The following KCNMB2 variants were observed in gnomAD, a reference collection of about 807,000 sequenced individuals.
KCNMB2 encodes the protein calcium-activated potassium channel subunit beta-2.
Under a neutral mutation model 24.5 loss-of-function variants are expected in KCNMB2, and 9 were observed. The observed-to-expected ratio is 0.37, with a 90% CI of 0.22 to 0.64. The LOEUF (loss-of-function observed/expected upper bound fraction) is 0.64. Among genes scored for constraint, KCNMB2 ranks in the 30% least tolerant of loss-of-function variants. The pLI, the probability that KCNMB2 is intolerant of heterozygous loss-of-function variation, is 0.63. For missense variants in KCNMB2, 226 were observed against 284.3 expected, an observed-to-expected ratio of 0.79 and a Z score of 1.47; for synonymous variants, 109 against 104.4, an observed-to-expected ratio of 1.04 and a Z score of -0.27.
chr3:178,781,790 T>C (rs1413744923), intron 1 of KCNMB2, among the ~76,000 whole-genome samples: 1 of 151,706 alleles, frequency 6.6e-6, no homozygotes, highest in African/African-American at 2.4e-5. Context: ...ACCGCTTTTT[T>C]TTTTCTTTTT....
At chr3:178,539,075 A>T (rs1188481672) in intron 1 of KCNMB2, among the ~76,000 whole-genome samples, 2 of 152,126 alleles carry the variant, frequency 1.3e-5, no homozygotes, top group Non-Finnish European at 2.9e-5. Flanking sequence ...AGTCACCAAG[A>T]CACTTAGAAT....
chr3:178,697,732 G>T (rs1276630930), intron 1 of KCNMB2, among the ~76,000 whole-genome samples: 1 of 152,180 alleles, frequency 6.6e-6, no homozygotes, highest in African/African-American at 2.4e-5. Flanking sequence ...TTTCGTAGTG[G>T]CTGGTAATGG....
At chr3:178,783,851 G>A (rs538067516) in intron 1 of KCNMB2, among the ~76,000 whole-genome samples, 1 of 152,256 alleles carries the variant, frequency 6.6e-6, no homozygotes, top group Non-Finnish European at 1.5e-5. Flanking sequence ...TGGTGAGAGA[G>A]GGCATCCCTG....
At chr3:178,667,181 T>C (rs534961768) in intron 1 of KCNMB2, among the ~76,000 whole-genome samples, 3 of 152,116 alleles carry the variant, frequency 2.0e-5, no homozygotes, top group Non-Finnish European at 4.4e-5. Flanking sequence ...GTTATTAGGA[T>C]AGGCCTATTC....
At chr3:178,754,893 T>C (rs1456944321) in intron 1 of KCNMB2, among the ~76,000 whole-genome samples, 2 of 152,192 alleles carry the variant, frequency 1.3e-5, no homozygotes, top group Non-Finnish European at 2.9e-5. Context: ...TTATGGGCTA[T>C]GAACAGACTA....
At chr3:178,541,199 G>A (rs1715604722) in intron 1 of KCNMB2, among the ~76,000 whole-genome samples, 1 of 152,186 alleles carries the variant, frequency 6.6e-6, no homozygotes, top group Admixed American at 6.5e-5. Context: ...TCACATCACT[G>A]ATTCCAATCC....
At chr3:178,596,574 C>T (rs1214504842) in intron 1 of KCNMB2, among the ~76,000 whole-genome samples, 1 of 152,020 alleles carries the variant, frequency 6.6e-6, no homozygotes, top group African/African-American at 2.4e-5. Flanking sequence ...CAAACATGAG[C>T]CAAACTGTAG....
At chr3:178,595,951 A>G (rs1717854456) in intron 1 of KCNMB2, among the ~76,000 whole-genome samples, 1 of 151,836 alleles carries the variant, frequency 6.6e-6, no homozygotes, top group Non-Finnish European at 1.5e-5. Flanking sequence ...TTTAATCACT[A>G]GACACCCTCA....
chr3:178,805,753 C>G (rs1273649997), intron 1 of KCNMB2, among the ~76,000 whole-genome samples: 1 of 152,102 alleles, frequency 6.6e-6, no homozygotes, highest in Non-Finnish European at 1.5e-5. Context: ...CCTTAGCCTC[C>G]CGAGTAGCTG....
chr3:178,716,752 C>T (rs986398478), intron 1 of KCNMB2, among the ~76,000 whole-genome samples: 2 of 152,124 alleles, frequency 1.3e-5, no homozygotes, highest in African/African-American at 4.8e-5. Flanking sequence ...TTCTTGATAT[C>T]ACAGGCCTTG....
At position 178,695,083 on chromosome 3, in the gene KCNMB2, C is replaced by T. The variant is rs552079312; in HGVS notation, c.-67-112260C>T. On this transcript the variant is annotated intron_variant, in intron 1 of 4. Transcript: ENST00000452583. ...TGAAATCTAGGCAGAGGTTCCCAAACCTCAATTCTTGTATGCTACACACTG... is the reference window on the plus strand; with the variant it reads ...TGAAATCTAGGCAGAGGTTCCCAAATCTCAATTCTTGTATGCTACACACTG... 1.4e-4 allele frequency among the ~76,000 whole-genome samples: 22 copies of T among 152,388 alleles called. No individual in the cohort carries two copies. The South Asian group carries it at 4.3e-3, about 30-fold the overall frequency.
chr3:178,772,454 C>G (rs1712412585), intron 1 of KCNMB2, among the ~76,000 whole-genome samples: 1 of 152,118 alleles, frequency 6.6e-6, no homozygotes, highest in Admixed American at 6.5e-5. Flanking sequence ...CAAGATCTGA[C>G]AGTTTTAAAA....
At chr3:178,666,910 G>A (rs566166693) in intron 1 of KCNMB2, among the ~76,000 whole-genome samples, 5 of 152,230 alleles carry the variant, frequency 3.3e-5, no homozygotes, top group African/African-American at 9.6e-5. Context: ...CTCTTCAGAT[G>A]TTCAAGTTCC....
chr3:178,635,146 C>T (rs1275663177), intron 1 of KCNMB2, among the ~76,000 whole-genome samples: 1 of 152,098 alleles, frequency 6.6e-6, no homozygotes, highest in Non-Finnish European at 1.5e-5. Flanking sequence ...AACAGCAATG[C>T]CCAGTGCACA....
At chr3:178,630,358 T>A (rs567192724) in intron 1 of KCNMB2, among the ~76,000 whole-genome samples, 2 of 152,362 alleles carry the variant, frequency 1.3e-5, no homozygotes, top group East Asian at 3.9e-4. Context: ...AAATAAGTGT[T>A]CCAGCATCTC....
chr3:178,613,992 A>C (rs533906230), intron 1 of KCNMB2, among the ~76,000 whole-genome samples: 1 of 150,664 alleles, frequency 6.6e-6, no homozygotes, highest in African/African-American at 2.4e-5. Context: ...CTTCATTTCT[A>C]TGTTTTTCTT....
At chr3:178,775,866 T>C (rs990458856) in intron 1 of KCNMB2, among the ~76,000 whole-genome samples, 2 of 152,198 alleles carry the variant, frequency 1.3e-5, no homozygotes, top group Non-Finnish European at 2.9e-5. Context: ...CGAGGGAGAT[T>C]ACCTGCCTCC....
chr3:178,831,099 A>T (rs932584517), intron 4 of KCNMB2, among the ~76,000 whole-genome samples: 1 of 97,056 alleles, frequency 1.0e-5, no homozygotes, highest in Admixed American at 9.1e-5. Context: ...ATATGGATCA[A>T]GTTTCTTTTT....
intron 1 of KCNMB2, among the ~76,000 whole-genome samples, chr3:178,671,877 C>T (rs1349933730): frequency 1.3e-5 from 2 of 152,164 alleles, no homozygotes; most frequent in Non-Finnish European, 2.9e-5. Flanking sequence ...CTGGAACTAG[C>T]AACACTTTTC....
Sources: gnomAD v4.1 joint callset for allele counts (sites outside exome capture counted in the v4.1 genomes callset) on GRCh38, gnomAD v4.1.1 for gene constraint, MANE v1.5 for transcripts, NCBI Gene and HGNC (gene_info 2026-07-23, HGNC 2026-07-21) for gene names.